ECD: variants seen among roughly 807,000 people sequenced by gnomAD.
ECD encodes ecdysoneless cell cycle regulator.
A neutral mutation model predicts 77.2 loss-of-function variants in ECD; 59 were observed. The observed-to-expected ratio is 0.76, with a 90% CI of 0.62 to 0.95. The LOEUF is 0.95. Among genes scored for constraint, ECD ranks in the 40% least tolerant of loss-of-function variants. The pLI is 0.00. For synonymous variants in ECD, 233 were observed against 267.4 expected, an observed-to-expected ratio of 0.87 and a Z score of 1.26; for missense variants, 704 against 763.4, an observed-to-expected ratio of 0.92 and a Z score of 0.92.
rs562819273 is a variant in ECD, at chr10:73,149,529, A to T, written c.913-1125T>A. Among the ~76,000 whole-genome samples the T allele has an allele frequency of 4.6e-5, 7 of 152,340 alleles. No homozygotes were observed. The South Asian group carries it at 1.4e-3, about 32-fold the overall frequency. The stretch of plus-strand genomic sequence containing the variant: ...AATACTGTACTCTATAGTATACTGT[A>T]TTCAATAAATTACATGACATATTCA... On this transcript the variant is annotated intron_variant, in intron 7 of 13. Transcript: ENST00000372979.
chr10:73,152,528 A>G (rs933485499), intron 6 of ECD, 107 bp from the exon 7 acceptor site: 407 of 1,302,472 alleles, frequency 3.1e-4, no homozygotes, highest in Non-Finnish European at 4.0e-4. Flanking sequence ...CTTCATATTC[A>G]TATGAAATGC....
intron 12 of ECD, 63 bp downstream of exon 12, chr10:73,137,940 C>A: frequency 1.5e-6 from 2 of 1,293,440 alleles, no homozygotes; most frequent in Non-Finnish European, 2.1e-6. Flanking sequence ...TAAACCAATG[C>A]TCTAGCAACA....
At chr10:73,146,774 GA>G (rs1384798771) in intron 8 of ECD, among the ~76,000 whole-genome samples, 11 of 144,678 alleles carry the variant, frequency 7.6e-5, no homozygotes, top group Non-Finnish European at 1.4e-4. Flanking sequence ...CTGCCTCTAT[GA>G]AAAAAAAAAT....
Position 73,148,407 on chromosome 10 carries a change from A to AGAT in ECD, c.913-6_913-4dup. 6.2e-7 allele frequency: 1 copy of AGAT among 1,609,892 alleles called. No individual in the cohort carries two copies. The highest frequency in any genetic ancestry group is 8.5e-7 in the Non-Finnish European group (1 of 1,178,480). ...CATAAGATCTCAAATCCATGAGCCTAGATGAGATAGGTAGAATTTTTGTTA... is the reference window on the plus strand; with the variant it reads ...CATAAGATCTCAAATCCATGAGCCTAGATGATGAGATAGGTAGAATTTTTGTTA... On this transcript the variant is annotated splice_polypyrimidine_tract_variant and splice_region_variant and intron_variant, in intron 7 of 13. Transcript: ENST00000372979.
rs1554850899 is a variant in ECD, at chr10:73,156,669, A to G, written c.324-14T>C. On this transcript the variant is annotated splice_polypyrimidine_tract_variant and intron_variant, in intron 3 of 13. Coordinates refer to ENST00000372979, the MANE Select transcript of ECD (RefSeq NM_007265.3). ...TTGTCTTCAATCCTAATGCAAGAAAATTTCCAATTTTGCATTCAAAAAGCA... is the reference window on the plus strand; with the variant it reads ...TTGTCTTCAATCCTAATGCAAGAAAGTTTCCAATTTTGCATTCAAAAAGCA... The G allele has an allele frequency of 9.3e-6, 15 of 1,611,632 alleles. No homozygotes were observed. The South Asian group carries it at 1.7e-4, about 18-fold the overall frequency.
Position 73,139,614 on chromosome 10 carries a change from C to T in ECD, c.1234+17G>A, listed in dbSNP as rs1385718464. On this transcript the variant is annotated intron_variant, in intron 10 of 13. Coordinates refer to ENST00000372979, the MANE Select transcript of ECD (RefSeq NM_007265.3). ...TTTTTTTTTAACCCTTCCACTGTAT[C>T]CTGGTCCATCACTTACCATCCTCTG... 6.3e-7 allele frequency: 1 copy of T among 1,596,866 alleles called. No individual in the cohort carries two copies. The highest frequency in any genetic ancestry group is 1.4e-5 in the African/African-American group (1 of 73,744).
chr10:73,155,662 G>C (rs1410847308), intron 5 of ECD, among the ~76,000 whole-genome samples: 1 of 146,062 alleles, frequency 6.8e-6, no homozygotes, highest in Non-Finnish European at 1.5e-5. Flanking sequence ...GCAGTGGCGT[G>C]ATCTCAGCTC....
At chr10:73,163,448 A>G (rs1290661635) in intron 2 of ECD, among the ~76,000 whole-genome samples, 1 of 152,238 alleles carries the variant, frequency 6.6e-6, no homozygotes, top group Non-Finnish European at 1.5e-5. Flanking sequence ...ACTTAGATAC[A>G]TTATGGCATA....
chr10:73,146,426 C>G, intron 8 of ECD, 65 bp from the exon 9 acceptor site: 1 of 1,160,468 alleles, frequency 8.6e-7, no homozygotes. Context: ...AATGTGTTCA[C>G]CAGCAACTTT....
chr10:73,145,340 A>AAAAT (rs1162531297), intron 9 of ECD, among the ~76,000 whole-genome samples: 1 of 152,048 alleles, frequency 6.6e-6, no homozygotes, highest in Non-Finnish European at 1.5e-5. Context: ...GTCTCTGTCT[A>AAAAT]AAATAAATAA....
intron 9 of ECD, among the ~76,000 whole-genome samples, chr10:73,141,933 C>T (rs1346445691): frequency 2.0e-5 from 3 of 152,162 alleles, no homozygotes; most frequent in Non-Finnish European, 4.4e-5. Flanking sequence ...TCACTCAACA[C>T]ATAAGTATCT....
At chr10:73,143,177 G>C (rs905994346) in intron 9 of ECD, among the ~76,000 whole-genome samples, 7 of 152,058 alleles carry the variant, frequency 4.6e-5, no homozygotes, top group Non-Finnish European at 8.8e-5. Flanking sequence ...ATAATGTATT[G>C]TTTTGTTTTG....
intron 9 of ECD, 48 bp from the exon 10 acceptor site, chr10:73,139,785 A>C (rs768682541): frequency 7.8e-7 from 1 of 1,287,028 alleles, no homozygotes; most frequent in South Asian, 1.3e-5. Context: ...AGAACATAGA[A>C]TAGTAATCAT....
Position 73,139,739 on chromosome 10 carries a change from T to A in ECD, c.1128-2A>T. ...TCACCAGGGCTCATAGCAAGAGAAC[T>A]ATGAAAAATAAAAAACATGAGTATT... is the stretch of plus-strand genomic sequence containing the variant. On this transcript the variant is annotated splice_acceptor_variant, in intron 9 of 13. Coordinates refer to ENST00000372979, the MANE Select transcript of ECD (RefSeq NM_007265.3). LOFTEE classifies it high-confidence loss of function. 2 of 1,566,642 alleles carry A rather than the reference T, an allele frequency of 1.3e-6. No individual in the cohort carries two copies. Among genetic ancestry groups the A allele is most frequent in the Non-Finnish European group, 8.7e-7 (1 of 1,150,270 alleles).
intron 13 of ECD, 93 bp downstream of exon 13, chr10:73,136,611 A>C: frequency 4.3e-6 from 5 of 1,156,332 alleles, no homozygotes; most frequent in Non-Finnish European, 6.2e-6. Flanking sequence ...TTCAAATCTC[A>C]CACACCAAAA....
At chr10:73,162,428 C>T (rs1018444052) in intron 2 of ECD, among the ~76,000 whole-genome samples, 1 of 152,168 alleles carries the variant, frequency 6.6e-6, no homozygotes, top group East Asian at 1.9e-4. Context: ...GATAAGAAAA[C>T]AGTAAAAATG....
rs766183309 is a variant in ECD at position 73,156,376 on chromosome 10, TGTG to T, written c.486_488del (p.Thr163del). ...TCAATGCTTGTGGAATTGTTGGGGG[TGTG>T]GTGGGTAACCAAGATTCTGCTCCAG... On this transcript the variant is annotated inframe_deletion, in exon 5 of 14. Coordinates refer to ENST00000372979, the MANE Select transcript of ECD (RefSeq NM_007265.3). The T allele has an allele frequency of 3.1e-6, 5 of 1,613,592 alleles. No individual in the cohort carries two copies. The Admixed American group carries it at 8.4e-5, about 27-fold the overall frequency.
chr10:73,154,439 T>G lies in ECD; in HGVS notation c.600A>C (p.Glu200Asp). ...AVNRRIRGYP[E>D]KIQASLHRAH... Reference sequence around the variant, plus strand: ...CTCGATGAAGTGAGGCCTGAATTTTTTCTGGGTACCTGGGACAGGTAACAT... The same window carrying G: ...CTCGATGAAGTGAGGCCTGAATTTTGTCTGGGTACCTGGGACAGGTAACAT... Residue 200 changes from glutamate (E) to aspartate (D), a missense_variant, in exon 6 of 14, where the codon GAA becomes GAC. This residue lies in a region of ECD where 559 missense variants were observed against 583.7 expected (regional missense o/e 0.96). Coordinates refer to ENST00000372979, the MANE Select transcript of ECD (RefSeq NM_007265.3). 1 of 1,608,680 alleles carries G rather than the reference T, an allele frequency of 6.2e-7. No homozygotes were observed. The highest frequency in any genetic ancestry group is 8.5e-7 in the Non-Finnish European group (1 of 1,178,290).
At chr10:73,162,420 T>A (rs1486570036) in intron 2 of ECD, among the ~76,000 whole-genome samples, 1 of 152,200 alleles carries the variant, frequency 6.6e-6, no homozygotes, top group African/African-American at 2.4e-5. Flanking sequence ...TTAAACAAGA[T>A]AAGAAAACAG....
Sources: gnomAD v4.1 joint callset for allele counts (sites outside exome capture counted in the v4.1 genomes callset) on GRCh38, gnomAD v4.1.1 for gene constraint, gnomAD v4.1.1 regional missense constraint, MANE v1.5 for transcripts, NCBI Gene and HGNC (gene_info 2026-07-23, HGNC 2026-07-21) for gene names.